Variants in USP33 observed in about 807,000 individuals in gnomAD.
USP33 encodes ubiquitin specific peptidase 33, also known as ubiquitin carboxyl-terminal hydrolase 33.
USP33 carries 46 observed loss-of-function variants against 124.2 expected under a neutral mutation model. That is an observed-to-expected ratio of 0.37 (90% CI 0.29 to 0.47). The LOEUF (loss-of-function observed/expected upper bound fraction) is 0.47, where lower values mean the gene tolerates loss of function less well. Ranked by LOEUF, USP33 falls within the 20% of genes least tolerant of loss-of-function variation. The probability of loss-of-function intolerance (pLI) is 0.99; values close to 1 mark genes in which losing one functional copy is unlikely to be tolerated. For missense variants in USP33, 851 were observed against 1,070.6 expected (o/e 0.79, Z 2.86); for synonymous variants, 350 against 352.3 (o/e 0.99, Z 0.07).
chr1:77,701,348 A>T (rs748991940), intron 22 of USP33, 21 bp downstream of exon 22: 166 of 1,560,430 alleles, frequency 1.1e-4, no homozygotes, highest in Middle Eastern at 1.7e-4. Context: ...CCAAAAAAAA[A>T]TTTTTCAGTC....
intron 5 of USP33, among the ~76,000 whole-genome samples, chr1:77,736,936 C>T (rs1158046708): frequency 6.6e-6 from 1 of 151,866 alleles, no homozygotes; most frequent in East Asian, 1.9e-4. Context: ...TTAAATAGTT[C>T]AAGCACTTAC....
chr1:77,707,377 T>G (rs888959032), intron 21 of USP33, among the ~76,000 whole-genome samples: 1 of 152,190 alleles, frequency 6.6e-6, no homozygotes, highest in Admixed American at 6.5e-5. Context: ...GATTTTCACC[T>G]CTTCTCTGCG....
intron 20 of USP33, among the ~76,000 whole-genome samples, chr1:77,712,966 G>A (rs1570753227): frequency 6.6e-6 from 1 of 152,124 alleles, no homozygotes; most frequent in Admixed American, 6.6e-5. Context: ...TTTAAACAAG[G>A]TACTTAAATT....
chr1:77,734,435 C>G lies in USP33; in HGVS notation c.455-19G>C, dbSNP rs763026514. The G allele has an allele frequency of 2.0e-6, 3 of 1,473,298 alleles. No individual in the cohort carries two copies. Among genetic ancestry groups the G allele is most frequent in the East Asian group, 4.6e-5 (2 of 43,734 alleles). The allele number at this position is 1,473,298 out of a possible 1,614,324, so 91.3% of individuals were successfully genotyped here. ...GTAAGACCTATTAAGAAAAAATATA[C>G]ATGAAGTCATCATTCAATAATGCAA... On this transcript the variant is annotated intron_variant, in intron 6 of 23. Coordinates refer to ENST00000370794, the MANE Select transcript of USP33 (RefSeq NM_201624.3).
intron 21 of USP33, chr1:77,711,543 A>G (rs2101262425): frequency 2.7e-6 from 2 of 737,734 alleles, no homozygotes; most frequent in East Asian, 3.8e-5. Context: ...ACACACACAC[A>G]CACACACACA....
chr1:77,718,609 T>C lies in USP33; in HGVS notation c.1724A>G (p.Gln575Arg). The C allele has an allele frequency of 6.2e-7, 1 of 1,608,384 alleles. No individual in the cohort carries two copies. Among genetic ancestry groups the C allele is most frequent in the Non-Finnish European group, 8.5e-7 (1 of 1,175,986 alleles). Reference protein sequence around the residue: ...LRNGVKFCKVQNFPEILCIHL... With the variant: ...LRNGVKFCKVRNFPEILCIHL... ...TAATGCCCATACCTCAGGAAAGTTT[T>C]GTACTTTACAAAACTTCACTCCATT... Residue 575 changes from glutamine (Q) to arginine (R), a missense_variant, in exon 16 of 24, where the codon CAA becomes CGA. Physicochemically the swap from Gln to Arg is conservative, Grantham distance 43 (BLOSUM62 1). This residue lies in a region of USP33 where 281 missense variants were observed against 425.0 expected (regional missense o/e 0.66). Coordinates refer to ENST00000370794, the MANE Select transcript of USP33 (RefSeq NM_201624.3).
At chr1:77,743,623 C>T (rs113416678) in intron 1 of USP33, among the ~76,000 whole-genome samples, 4,005 of 152,052 alleles carry the variant, frequency 0.026, 57 homozygotes, top group Middle Eastern at 0.078. Flanking sequence ...TACAGGTGCA[C>T]GCCATGTGAT....
intron 7 of USP33, among the ~76,000 whole-genome samples, chr1:77,732,789 CTTTT>C (rs939934675): frequency 1.4e-4 from 15 of 104,888 alleles, no homozygotes; most frequent in East Asian, 5.3e-4. Context: ...AATGTCTCTT[CTTTT>C]TTTTTTTTTT....
chr1:77,743,165 G>A (rs1244026360), intron 1 of USP33, among the ~76,000 whole-genome samples: 4 of 151,804 alleles, frequency 2.6e-5, no homozygotes, highest in Admixed American at 6.6e-5. Flanking sequence ...GGCTGATCTC[G>A]AACTCCCGAC....
chr1:77,730,749 A>G lies in USP33; in HGVS notation c.525-18T>C. On this transcript the variant is annotated intron_variant, in intron 7 of 23. Transcript: ENST00000370794. ...AAGGTGGGCTAATTTTAAAAAGAGAAAAATGTTAGAGTGGAGTCAAAGCTA... is the reference window on the plus strand; with the variant it reads ...AAGGTGGGCTAATTTTAAAAAGAGAGAAATGTTAGAGTGGAGTCAAAGCTA... 6.5e-7 allele frequency: 1 copy of G among 1,537,840 alleles called. No homozygotes were observed. Among genetic ancestry groups the G allele is most frequent in the Non-Finnish European group, 8.8e-7 (1 of 1,135,530 alleles).
At chr1:77,715,689 A>G (rs1570760647) in intron 18 of USP33, 53 bp downstream of exon 18, 1 of 1,587,560 alleles carries the variant, frequency 6.3e-7, no homozygotes, top group Non-Finnish European at 8.6e-7. Flanking sequence ...GAAGTCACTG[A>G]TAAGCCCAAA....
chr1:77,730,023 T>A, intron 8 of USP33, 85 bp from the exon 9 acceptor site: 1 of 1,242,544 alleles, frequency 8.0e-7, no homozygotes, highest in African/African-American at 1.5e-5. Context: ...TTCAAAGTGT[T>A]AAATAAATTG....
At chr1:77,728,242 A>G in intron 10 of USP33, 53 bp downstream of exon 10, 18 of 1,488,904 alleles carry the variant, frequency 1.2e-5, no homozygotes, top group Non-Finnish European at 1.6e-5. Context: ...TTAAACACCC[A>G]TGTCTACAAA....
chr1:77,742,452 T>C (rs879504156), intron 1 of USP33, among the ~76,000 whole-genome samples: 7 of 152,188 alleles, frequency 4.6e-5, no homozygotes, highest in Non-Finnish European at 8.8e-5. Flanking sequence ...TTTTAAATTA[T>C]ACCCTCTGGG....
intron 1 of USP33, 83 bp downstream of exon 1, chr1:77,759,560 C>A (rs577328486): frequency 2.3e-4 from 93 of 398,126 alleles, no homozygotes; most frequent in African/African-American, 1.8e-3. Flanking sequence ...CCCCAGCGCG[C>A]GGAAGCGAGA....
intron 7 of USP33, among the ~76,000 whole-genome samples, chr1:77,733,412 A>G (rs984779974): frequency 2.0e-5 from 3 of 152,052 alleles, no homozygotes; most frequent in Non-Finnish European, 4.4e-5. Flanking sequence ...AAAGAAAAAA[A>G]AAGTCTCTTC....
rs1216302945 is a variant in USP33 at position 77,728,385 on chromosome 1, C to T, written c.1045G>A (p.Glu349Lys). 4 of 1,613,860 alleles carry T rather than the reference C, an allele frequency of 2.5e-6. No homozygotes were observed. Among genetic ancestry groups the T allele is most frequent in the South Asian group, 1.1e-5 (1 of 91,018 alleles). The change falls in exon 10 of 24, where the codon GAA (glutamate) becomes AAA (lysine). Residue 349 changes from glutamate to lysine, a missense_variant. Glu to Lys is a moderately conservative substitution (Grantham distance 56, BLOSUM62 1). Transcript: ENST00000370794. ...NKINKVNSEG[E>K]FDKDRDSISE... ...ATAGAGTCTCTATCTTTATCAAATT[C>T]GCCTTCAGAATTTACTTTATTAATC... is the stretch of plus-strand genomic sequence containing the variant.
chr1:77,759,498 G>T, intron 1 of USP33, 145 bp downstream of exon 1: 1 of 397,050 alleles, frequency 2.5e-6, no homozygotes, highest in South Asian at 1.3e-4. Flanking sequence ...TCCCGCCCGC[G>T]AACCCGCCGC....
intron 6 of USP33, among the ~76,000 whole-genome samples, chr1:77,734,775 A>T (rs892395664): frequency 6.6e-6 from 1 of 152,236 alleles, no homozygotes; most frequent in Admixed American, 6.5e-5. Context: ...AAAACTCGTC[A>T]TGATAAATGA....
Sources: gnomAD v4.1 joint callset for allele counts (sites outside exome capture counted in the v4.1 genomes callset) on GRCh38, gnomAD v4.1.1 for gene constraint, gnomAD v4.1.1 regional missense constraint, MANE v1.5 for transcripts, NCBI Gene and HGNC (gene_info 2026-07-23, HGNC 2026-07-21) for gene names.